TSPAN9: variants seen among roughly 807,000 people sequenced by gnomAD.
TSPAN9 encodes tetraspanin 9.
Under a neutral mutation model 31.0 loss-of-function variants are expected in TSPAN9, and 16 were observed. That is an observed-to-expected ratio of 0.52 (90% CI 0.35 to 0.78). The LOEUF (loss-of-function observed/expected upper bound fraction) is 0.78. Ranked by LOEUF, TSPAN9 falls within the 30% of genes least tolerant of loss-of-function variation. The pLI, the probability that TSPAN9 is intolerant of heterozygous loss-of-function variation, is 0.01. For missense variants in TSPAN9, 272 were observed against 312.5 expected (o/e 0.87, Z 0.98); for synonymous variants, 145 against 121.6 (o/e 1.19, Z -1.27).
intron 1 of TSPAN9, 126 bp downstream of exon 1, chr12:3,077,579 G>C (rs1386517584): frequency 6.6e-6 from 1 of 152,074 alleles, no homozygotes; most frequent in Non-Finnish European, 1.5e-5. Context: ...GGAGCGGCCG[G>C]GGGCGCCCAC....
At chr12:3,226,784 A>ATTT (rs2098387976) in intron 3 of TSPAN9, among the ~76,000 whole-genome samples, 2 of 4,106 alleles carry the variant, frequency 4.9e-4, no homozygotes, top group African/African-American at 2.3e-3. Context: ...ATATATATAT[A>ATTT]TATATATATA....
chr12:3,103,490 G>T (rs143215730), intron 2 of TSPAN9, among the ~76,000 whole-genome samples: 73 of 152,296 alleles, frequency 4.8e-4, no homozygotes, highest in African/African-American at 1.7e-3. Context: ...CGGACTGGAC[G>T]TGCCCACCTG....
At chr12:3,193,924 C>T (rs974643399) in intron 2 of TSPAN9, among the ~76,000 whole-genome samples, 3 of 152,192 alleles carry the variant, frequency 2.0e-5, no homozygotes, top group Non-Finnish European at 4.4e-5. Flanking sequence ...GACAGCTGAC[C>T]GCATGGCATT....
intron 2 of TSPAN9, among the ~76,000 whole-genome samples, chr12:3,133,668 C>T (rs2098330809): frequency 6.6e-6 from 1 of 152,170 alleles, no homozygotes; most frequent in East Asian, 1.9e-4. Flanking sequence ...GTTGGATGAG[C>T]AGGTGGTTTT....
At chr12:3,101,319 G>T (rs1591628177) in intron 2 of TSPAN9, among the ~76,000 whole-genome samples, 1 of 152,298 alleles carries the variant, frequency 6.6e-6, no homozygotes, top group East Asian at 1.9e-4. Context: ...ATCCAGCAGA[G>T]AAATGGGTAC....
At chr12:3,219,307 C>T (rs2098383048) in intron 3 of TSPAN9, among the ~76,000 whole-genome samples, 1 of 152,208 alleles carries the variant, frequency 6.6e-6, no homozygotes, top group Non-Finnish European at 1.5e-5. Flanking sequence ...GTGGGATGCA[C>T]AGGGACTGTC....
At chr12:3,090,665 A>G (rs1453254109) in intron 2 of TSPAN9, among the ~76,000 whole-genome samples, 1 of 152,240 alleles carries the variant, frequency 6.6e-6, no homozygotes, top group Non-Finnish European at 1.5e-5. Context: ...TCTTGGTGGG[A>G]AGGCTGGCCA....
intron 3 of TSPAN9, among the ~76,000 whole-genome samples, chr12:3,230,990 A>G (rs1325975210): frequency 6.6e-6 from 1 of 152,114 alleles, no homozygotes; most frequent in East Asian, 1.9e-4. Context: ...GTATGCTATA[A>G]AGGGCCCAGC....
chr12:3,248,744 T>A (rs1344403400), intron 3 of TSPAN9, among the ~76,000 whole-genome samples: 1 of 152,164 alleles, frequency 6.6e-6, no homozygotes, highest in South Asian at 2.1e-4. Context: ...TCACACAGTG[T>A]GTGGCTGAGC....
chr12:3,197,357 A>G (rs2098367561), intron 2 of TSPAN9, among the ~76,000 whole-genome samples: 1 of 152,200 alleles, frequency 6.6e-6, no homozygotes, highest in Non-Finnish European at 1.5e-5. Context: ...CCAGTCAGGC[A>G]GCCCTGATGC....
intron 3 of TSPAN9, among the ~76,000 whole-genome samples, chr12:3,233,403 G>A (rs995793469): frequency 4.6e-5 from 7 of 152,196 alleles, no homozygotes; most frequent in Non-Finnish European, 7.3e-5. Flanking sequence ...ATCCCCTGGC[G>A]GAGGGCACCC....
In TSPAN9 at chr12:3,283,277, G is replaced by A; in HGVS notation, c.*161G>A. On this transcript the variant is annotated 3_prime_UTR_variant, in exon 9 of 9. Coordinates refer to ENST00000011898, the MANE Select transcript of TSPAN9 (RefSeq NM_006675.5). ...CTGCCTCAGCCTCGGACTTCTCAGTGGGTGGAGTGCCAGGGAGGAGGAGGC... is the reference window on the plus strand; with the variant it reads ...CTGCCTCAGCCTCGGACTTCTCAGTAGGTGGAGTGCCAGGGAGGAGGAGGC... The A allele has an allele frequency of 4.3e-6, 3 of 698,488 alleles. No homozygotes were observed. The highest frequency in any genetic ancestry group is 6.8e-6 in the Non-Finnish European group (3 of 442,058). 43.3% of individuals were successfully genotyped at this position (698,488 alleles called of 1,614,324 possible).
chr12:3,222,097 A>G (rs1405666659), intron 3 of TSPAN9, among the ~76,000 whole-genome samples: 1 of 152,238 alleles, frequency 6.6e-6, no homozygotes, highest in Non-Finnish European at 1.5e-5. Context: ...CCTTAGACCC[A>G]CACAGGGTTC....
chr12:3,123,356 A>G (rs1216284949), intron 2 of TSPAN9, among the ~76,000 whole-genome samples: 1 of 152,124 alleles, frequency 6.6e-6, no homozygotes, highest in East Asian at 1.9e-4. Context: ...GCTTGTCCTT[A>G]ACCCTTCTTT....
chr12:3,242,542 G>A (rs975882652), intron 3 of TSPAN9, among the ~76,000 whole-genome samples: 1 of 152,258 alleles, frequency 6.6e-6, no homozygotes, highest in East Asian at 1.9e-4. Flanking sequence ...GTGGCCAGGT[G>A]TTTCTTTCCC....
At chr12:3,247,938 G>A (rs910443544) in intron 3 of TSPAN9, among the ~76,000 whole-genome samples, 4 of 152,340 alleles carry the variant, frequency 2.6e-5, no homozygotes, top group Admixed American at 2.0e-4. Context: ...TGTACCTTCT[G>A]TGTGTGCATG....
chr12:3,209,160 G>A (rs971563144), intron 3 of TSPAN9, among the ~76,000 whole-genome samples: 5 of 151,582 alleles, frequency 3.3e-5, no homozygotes, highest in Admixed American at 6.6e-5. Flanking sequence ...GCTTGAACCC[G>A]GGAGGTGGAG....
At chr12:3,268,467 TGC>T (rs1214975154) in intron 3 of TSPAN9, among the ~76,000 whole-genome samples, 19 of 143,108 alleles carry the variant, frequency 1.3e-4, no homozygotes, top group African/African-American at 4.4e-4. Flanking sequence ...CTGCCCTCTG[TGC>T]GTTCCTGCAG....
intron 3 of TSPAN9, among the ~76,000 whole-genome samples, chr12:3,226,738 GTGTGTGTATATATATATATATATATATA>G (rs1244708647): frequency 0.062 from 657 of 10,588 alleles, 98 homozygotes; most frequent in Non-Finnish European, 0.091. Context: ...GTGTGTGTGT[GTGTGTGTATATATATATATATATATATA>G]TATATATATA....
Sources: gnomAD v4.1 joint callset for allele counts (sites outside exome capture counted in the v4.1 genomes callset) on GRCh38, gnomAD v4.1.1 for gene constraint, MANE v1.5 for transcripts, NCBI Gene and HGNC (gene_info 2026-07-23, HGNC 2026-07-21) for gene names.